Variants in CASQ1 observed in about 807,000 individuals in gnomAD.
The protein encoded by CASQ1 is calsequestrin 1.
Under a neutral mutation model 49.5 loss-of-function variants are expected in CASQ1, and 40 were observed. The observed-to-expected ratio is 0.81, with a 90% CI of 0.63 to 1.05. The LOEUF (loss-of-function observed/expected upper bound fraction) is 1.05, where lower values mean the gene tolerates loss of function less well. Ranked by LOEUF, CASQ1 falls within the 50% of genes least tolerant of loss-of-function variation. The pLI is 0.00. For missense variants in CASQ1, 469 were observed against 486.9 expected (o/e 0.96, Z 0.35); for synonymous variants, 174 against 187.2 (o/e 0.93, Z 0.58).
intron 6 of CASQ1, among the ~76,000 whole-genome samples, chr1:160,197,273 C>T (rs1194265609): frequency 1.3e-5 from 2 of 152,198 alleles, no homozygotes; most frequent in Non-Finnish European, 2.9e-5. Flanking sequence ...GGCACTCAAT[C>T]ATAGTGAGTG....
rs958322708 is a variant in CASQ1 at position 160,197,698 on chromosome 1, C to T, written c.828+84C>T. On this transcript the variant is annotated intron_variant, in intron 7 of 10. Coordinates refer to ENST00000368078, the MANE Select transcript of CASQ1 (RefSeq NM_001231.5). ...GTCCTAGAAAAACCCCACCCTACTG[C>T]TCCTCAGGCCCATTTTTAGAAAAAA... 3 of 912,506 alleles carry T rather than the reference C, an allele frequency of 3.3e-6. No individual in the cohort carries two copies. In the Admixed American group the frequency reaches 5.1e-5, roughly 16 times the overall value. 56.5% of individuals were successfully genotyped at this position (912,506 alleles called of 1,614,324 possible).
chr1:160,191,051 G>T (rs1212118052), intron 1 of CASQ1, 21 bp downstream of exon 1: 7 of 1,611,432 alleles, frequency 4.3e-6, no homozygotes, highest in Non-Finnish European at 5.9e-6. Flanking sequence ...GGCACTGCAG[G>T]CCTGCAGAGC....
At chr1:160,196,051 C>T in intron 6 of CASQ1, 24 bp downstream of exon 6, 1 of 1,611,726 alleles carries the variant, frequency 6.2e-7, no homozygotes. Flanking sequence ...GCAACCCTCT[C>T]AGCGGGGTCG....
intron 1 of CASQ1, among the ~76,000 whole-genome samples, chr1:160,191,837 C>CGA (rs1263611865): frequency 1.0e-5 from 1 of 96,378 alleles, no homozygotes; most frequent in Non-Finnish European, 2.0e-5. Context: ...GGCCCCTTCT[C>CGA]TGGCCTCAGC....
intron 7 of CASQ1, chr1:160,198,323 A>G (rs1654292107): frequency 5.2e-6 from 1 of 193,742 alleles, no homozygotes; most frequent in Non-Finnish European, 1.1e-5. Flanking sequence ...CCGATCAACA[A>G]GGTGAAACAA....
At chr1:160,199,452 G>A (rs1372809640) in intron 9 of CASQ1, among the ~76,000 whole-genome samples, 2 of 152,216 alleles carry the variant, frequency 1.3e-5, no homozygotes, top group African/African-American at 4.8e-5. Flanking sequence ...TGTTGAATGA[G>A]TAACTGAAAG....
At chr1:160,198,407 G>A (rs1654293968) in intron 7 of CASQ1, 1 of 303,062 alleles carries the variant, frequency 3.3e-6, no homozygotes, top group Non-Finnish European at 6.2e-6. Context: ...AGGAGGCTGA[G>A]GCAGGAGAAT....
chr1:160,201,538 A>C lies in CASQ1; in HGVS notation c.*162A>C. 1.5e-6 allele frequency: 1 copy of C among 670,804 alleles called. No homozygotes were observed. Among genetic ancestry groups the C allele is most frequent in the Non-Finnish European group, 2.6e-6 (1 of 391,442 alleles). 41.6% of individuals were successfully genotyped at this position (670,804 alleles called of 1,614,324 possible). On this transcript the variant is annotated 3_prime_UTR_variant, in exon 11 of 11. Coordinates refer to ENST00000368078, the MANE Select transcript of CASQ1 (RefSeq NM_001231.5). The stretch of plus-strand genomic sequence containing the variant: ...CTGAGACACTGATCCCCCTCATTTG[A>C]TGAGCAAATGAGCTACTTTTCCCTA...
rs891501538 is a variant in CASQ1 at position 160,201,684 on chromosome 1, T to C, written c.*308T>C. 1 of 421,654 alleles carries C rather than the reference T, an allele frequency of 2.4e-6. No homozygotes were observed. The highest frequency in any genetic ancestry group is 4.4e-6 in the Non-Finnish European group (1 of 226,356). 26.1% of individuals were successfully genotyped at this position (421,654 alleles called of 1,614,324 possible). A position where few individuals can be genotyped will look rare whatever the true frequency, so the allele number is the denominator to read the frequency against. ...TTCTTGTGATTCTCCTCTAGCCATA[T>C]ATATGGGCCCCATCTCTGTTCTGTT... On this transcript the variant is annotated 3_prime_UTR_variant, in exon 11 of 11. Transcript: ENST00000368078.
At chr1:160,198,859 C>T (rs923797032) in intron 8 of CASQ1, 94 bp from the exon 9 acceptor site, 5 of 1,176,980 alleles carry the variant, frequency 4.2e-6, no homozygotes, top group Non-Finnish European at 6.4e-6. Context: ...ACATGTGAAG[C>T]TTGGGGAGCA....
chr1:160,193,560 G>C (rs55743103), intron 2 of CASQ1, among the ~76,000 whole-genome samples, 187 bp from the exon 3 acceptor site: 529 of 152,226 alleles, frequency 3.5e-3, no homozygotes, highest in African/African-American at 0.012. Flanking sequence ...TAATCCAGGG[G>C]CAGAGACCTC....
intron 6 of CASQ1, among the ~76,000 whole-genome samples, chr1:160,196,872 T>C (rs1654255016): frequency 6.6e-6 from 1 of 152,164 alleles, no homozygotes; most frequent in African/African-American, 2.4e-5. Context: ...CCAAAGGATG[T>C]TTGGCAATGT....
intron 1 of CASQ1, 51 bp downstream of exon 1, chr1:160,191,081 A>G: frequency 6.3e-7 from 1 of 1,585,452 alleles, no homozygotes; most frequent in East Asian, 2.2e-5. Flanking sequence ...CCCTCTCCGG[A>G]ATCCCCTATC....
At chr1:160,198,859 C>A (rs923797032) in intron 8 of CASQ1, 94 bp from the exon 9 acceptor site, 5 of 1,176,976 alleles carry the variant, frequency 4.2e-6, no homozygotes, top group Non-Finnish European at 6.4e-6. Flanking sequence ...ACATGTGAAG[C>A]TTGGGGAGCA....
In CASQ1 at chr1:160,195,351, G is replaced by A. The variant is rs866432104; in HGVS notation, c.578-110G>A. On this transcript the variant is annotated intron_variant, in intron 4 of 10. Transcript: ENST00000368078. ...CCTCACTCTCGAAGAACTAGAAGGG[G>A]TGGGTCTCAAAATGAACCCTGCCTG... 1.3e-4 allele frequency: 135 copies of A among 1,002,136 alleles called. No individual in the cohort carries two copies. In the Middle Eastern group the frequency reaches 7.1e-3, roughly 52 times the overall value. 62.1% of individuals were successfully genotyped at this position (1,002,136 alleles called of 1,614,324 possible).
intron 2 of CASQ1, 151 bp from the exon 3 acceptor site, chr1:160,193,596 G>C (rs1418413734): frequency 7.0e-6 from 4 of 572,558 alleles, no homozygotes; most frequent in Non-Finnish European, 1.2e-5. Flanking sequence ...TGGGTCAGAG[G>C]AGGTGGGTGG....
chr1:160,199,650 C>T (rs1275716385), intron 9 of CASQ1, among the ~76,000 whole-genome samples: 4 of 152,146 alleles, frequency 2.6e-5, no homozygotes, highest in Admixed American at 2.0e-4. Flanking sequence ...CTGACCCTCC[C>T]GATTCTCTCC....
chr1:160,197,275 T>TAGAG (rs550226347), intron 6 of CASQ1, among the ~76,000 whole-genome samples: 208 of 152,314 alleles, frequency 1.4e-3, no homozygotes, highest in African/African-American at 4.8e-3. Flanking sequence ...CACTCAATCA[T>TAGAG]AGTGAGTGAG....
chr1:160,197,685 C>A, intron 7 of CASQ1, 71 bp downstream of exon 7: 1 of 1,035,482 alleles, frequency 9.7e-7, no homozygotes, highest in Non-Finnish European at 1.5e-6. Flanking sequence ...CCTAGAAAAA[C>A]CCCACCCTAC....
Sources: allele counts gnomAD v4.1 joint callset (sites outside exome capture counted in the v4.1 genomes callset), GRCh38; gene constraint gnomAD v4.1.1; transcripts MANE v1.5; gene names NCBI Gene and HGNC (gene_info 2026-07-23, HGNC 2026-07-21).